Variants in LRRC4C observed in about 807,000 individuals in gnomAD.
LRRC4C encodes the protein leucine-rich repeat-containing protein 4C.
Under a neutral mutation model 33.6 loss-of-function variants are expected in LRRC4C, and 5 were observed. That is an observed-to-expected ratio of 0.15 (90% confidence interval 0.08 to 0.31). The LOEUF is 0.31. LRRC4C is among the 10% of genes least tolerant of loss of function. The probability of loss-of-function intolerance (pLI) is 1.00; values close to 1 mark genes in which losing one functional copy is unlikely to be tolerated. For missense variants in LRRC4C, 560 were observed against 796.7 expected, an observed-to-expected ratio of 0.70 and a Z score of 3.58; for synonymous variants, 329 against 302.0, an observed-to-expected ratio of 1.09 and a Z score of -0.93.
At chr11:41,164,545 A>C (rs1051319501) in intron 1 of LRRC4C, among the ~76,000 whole-genome samples, 1 of 152,244 alleles carries the variant, frequency 6.6e-6, no homozygotes, top group African/African-American at 2.4e-5. Flanking sequence ...TATACTGTAC[A>C]TAACTCTATG....
intron 1 of LRRC4C, among the ~76,000 whole-genome samples, chr11:41,045,439 A>G (rs889018563): frequency 3.3e-5 from 5 of 152,154 alleles, no homozygotes; most frequent in African/African-American, 1.2e-4. Flanking sequence ...AACATTTGCT[A>G]CTAAATGGAT....
chr11:41,385,031 T>C (rs1487189026), intron 1 of LRRC4C, among the ~76,000 whole-genome samples: 1 of 150,872 alleles, frequency 6.6e-6, no homozygotes, highest in Non-Finnish European at 1.5e-5. Flanking sequence ...ATAGTCAGTA[T>C]ACAATTGTCC....
chr11:40,642,021 CTT>C (rs35297791), intron 3 of LRRC4C, among the ~76,000 whole-genome samples: 35 of 140,198 alleles, frequency 2.5e-4, no homozygotes, highest in South Asian at 4.6e-4. Context: ...CCACAGGCTG[CTT>C]TTTTTTTTTT....
intron 3 of LRRC4C, among the ~76,000 whole-genome samples, chr11:40,374,026 A>G (rs2137283270): frequency 6.6e-6 from 1 of 152,350 alleles, no homozygotes; most frequent in South Asian, 2.1e-4. Context: ...AATTTAAATG[A>G]AACCAAAAGT....
At chr11:40,368,482 A>T (rs563112179) in intron 3 of LRRC4C, among the ~76,000 whole-genome samples, 52 of 152,330 alleles carry the variant, frequency 3.4e-4, no homozygotes, top group African/African-American at 1.2e-3. Context: ...ACAAGTGTTT[A>T]TTCAACCAAT....
chr11:40,628,682 A>G (rs1963194800), intron 3 of LRRC4C, among the ~76,000 whole-genome samples: 1 of 152,150 alleles, frequency 6.6e-6, no homozygotes, highest in Non-Finnish European at 1.5e-5. Context: ...CAGATCTAAC[A>G]CCACGAAGAA....
At chr11:41,133,414 G>C (rs1306098101) in intron 1 of LRRC4C, among the ~76,000 whole-genome samples, 1 of 151,948 alleles carries the variant, frequency 6.6e-6, no homozygotes, top group Non-Finnish European at 1.5e-5. Context: ...TGATTTTCTT[G>C]AAAAATACTC....
intron 4 of LRRC4C, among the ~76,000 whole-genome samples, chr11:40,242,871 A>G (rs1256257423): frequency 6.6e-6 from 1 of 152,178 alleles, no homozygotes; most frequent in African/African-American, 2.4e-5. Flanking sequence ...TCATCAAAGA[A>G]GCAATTCAAT....
intron 1 of LRRC4C, among the ~76,000 whole-genome samples, chr11:41,017,296 G>T (rs1458428952): frequency 6.6e-6 from 1 of 152,250 alleles, no homozygotes; most frequent in East Asian, 1.9e-4. Flanking sequence ...TTTTATTTCT[G>T]TTATATTCAT....
At chr11:40,782,606 T>G (rs962263921) in intron 2 of LRRC4C, among the ~76,000 whole-genome samples, 2 of 152,200 alleles carry the variant, frequency 1.3e-5, no homozygotes, top group African/African-American at 4.8e-5. Context: ...CAAGCATAAA[T>G]TCAAAAAGTC....
chr11:40,592,954 A>G (rs1287169262), intron 3 of LRRC4C, among the ~76,000 whole-genome samples: 1 of 152,210 alleles, frequency 6.6e-6, no homozygotes, highest in Non-Finnish European at 1.5e-5. Context: ...TTTTCTCAAG[A>G]GTGTCCTTGA....
At chr11:40,872,383 G>C (rs1954694864) in intron 2 of LRRC4C, among the ~76,000 whole-genome samples, 1 of 151,300 alleles carries the variant, frequency 6.6e-6, no homozygotes, top group Admixed American at 6.6e-5. Context: ...AACAGTTTAT[G>C]AGCTCATTAT....
chr11:40,856,057 C>T (rs988708884), intron 2 of LRRC4C, among the ~76,000 whole-genome samples: 2 of 152,036 alleles, frequency 1.3e-5, no homozygotes, highest in African/African-American at 2.4e-5. Flanking sequence ...ACTCCAGTTA[C>T]ATAAATACAA....
intron 2 of LRRC4C, among the ~76,000 whole-genome samples, chr11:40,920,927 T>G (rs1024967038): frequency 6.6e-6 from 1 of 151,274 alleles, no homozygotes; most frequent in African/African-American, 2.4e-5. Flanking sequence ...AATCAAGGTT[T>G]TTTTTTTTTT....
intron 5 of LRRC4C, among the ~76,000 whole-genome samples, chr11:40,235,055 T>C (rs1253682209): frequency 6.6e-6 from 1 of 152,232 alleles, no homozygotes; most frequent in African/African-American, 2.4e-5. Context: ...GCAGCACTTT[T>C]GTTAAAATAG....
intron 1 of LRRC4C, among the ~76,000 whole-genome samples, chr11:40,983,198 C>T (rs1232789280): frequency 6.6e-6 from 1 of 152,074 alleles, no homozygotes; most frequent in East Asian, 1.9e-4. Flanking sequence ...CCAGTAATAA[C>T]ATTGCTGGGT....
chr11:40,243,153 A>T (rs903335225), intron 4 of LRRC4C, among the ~76,000 whole-genome samples: 2 of 152,156 alleles, frequency 1.3e-5, no homozygotes, highest in African/African-American at 2.4e-5. Context: ...CATTTCCTGT[A>T]TGGTAATGTA....
chr11:40,292,232 C>A (rs181905644), intron 4 of LRRC4C: 1 of 152,108 alleles, frequency 6.6e-6, no homozygotes, highest in Admixed American at 6.5e-5. Context: ...AGATGGAAAT[C>A]CAGGTGGTTA....
chr11:41,010,370 G>A (rs1046714735), intron 1 of LRRC4C, among the ~76,000 whole-genome samples: 5 of 151,800 alleles, frequency 3.3e-5, no homozygotes, highest in Admixed American at 1.3e-4. Flanking sequence ...TTCATAATTC[G>A]CGTTTTCTGT....
Sources: gnomAD v4.1 joint callset for allele counts (sites outside exome capture counted in the v4.1 genomes callset) on GRCh38, gnomAD v4.1.1 for gene constraint, MANE v1.5 for transcripts, NCBI Gene and HGNC (gene_info 2026-07-23, HGNC 2026-07-21) for gene names.